MBD5: variants seen among roughly 807,000 people sequenced by gnomAD.
MBD5 encodes the protein methyl-CpG-binding domain protein 5.
Under a neutral mutation model 117.3 loss-of-function variants are expected in MBD5, and 13 were observed. The observed-to-expected ratio is 0.11, with a 90% CI of 0.07 to 0.18. The LOEUF (loss-of-function observed/expected upper bound fraction) is 0.18, where lower values mean the gene tolerates loss of function less well. MBD5 is among the 10% of genes least tolerant of loss of function. The pLI, the probability that MBD5 is intolerant of heterozygous loss-of-function variation, is 1.00. For synonymous variants in MBD5, 727 were observed against 766.4 expected, an observed-to-expected ratio of 0.95 and a Z score of 0.85; for missense variants, 1,879 against 2,093.8, an observed-to-expected ratio of 0.90 and a Z score of 2.00.
chr2:148,022,424 A>G (rs1018500777), intron 1 of MBD5, among the ~76,000 whole-genome samples: 1 of 152,134 alleles, frequency 6.6e-6, no homozygotes, highest in Non-Finnish European at 1.5e-5. Flanking sequence ...TGCCACTGCT[A>G]TTGTCTGTTC....
intron 8 of MBD5, among the ~76,000 whole-genome samples, chr2:148,482,275 G>A (rs1681180883): frequency 2.0e-5 from 3 of 152,018 alleles, no homozygotes; most frequent in South Asian, 4.1e-4. Flanking sequence ...TTGTCATAGC[G>A]TTGCTTACAA....
At chr2:148,508,185 AC>A (rs1682101503) in intron 12 of MBD5, among the ~76,000 whole-genome samples, 1 of 152,196 alleles carries the variant, frequency 6.6e-6, no homozygotes, top group African/African-American at 2.4e-5. Flanking sequence ...TGCTTGGCAG[AC>A]ACCTCATTAG....
rs879043829 is a variant in MBD5, at chr2:148,514,188, A to G, written c.*1247A>G. 1 of 152,182 alleles carries G rather than the reference A, an allele frequency of 6.6e-6. No individual in the cohort carries two copies. The highest frequency in any genetic ancestry group is 2.1e-4 in the South Asian group (1 of 4,816). 9.4% of individuals were successfully genotyped at this position (152,182 alleles called of 1,614,324 possible). A position where few individuals can be genotyped will look rare whatever the true frequency, so the allele number is the denominator to read the frequency against. On this transcript the variant is annotated 3_prime_UTR_variant, in exon 14 of 14. Transcript: ENST00000642680. Reference sequence around the variant, plus strand: ...TCTTATATATATTAATGTGGCAAAAATGTGCAGGTTAAATCTATTAACCAA... The same window carrying G: ...TCTTATATATATTAATGTGGCAAAAGTGTGCAGGTTAAATCTATTAACCAA...
intron 2 of MBD5, among the ~76,000 whole-genome samples, chr2:148,184,325 TG>T (rs1253073265): frequency 1.3e-5 from 2 of 152,160 alleles, no homozygotes; most frequent in South Asian, 4.1e-4. Flanking sequence ...TTTTTCTTTC[TG>T]AGTCTCCTGT....
Position 148,086,359 on chromosome 2 carries a change from C to T in MBD5, c.-925+64675C>T, listed in dbSNP as rs373696116. Among the ~76,000 whole-genome samples, 18 of 152,146 alleles carry T rather than the reference C, an allele frequency of 1.2e-4. No individual in the cohort carries two copies. In the East Asian group the frequency reaches 3.1e-3, roughly 26 times the overall value. On this transcript the variant is annotated intron_variant, in intron 1 of 13. Coordinates refer to ENST00000642680, the MANE Select transcript of MBD5 (RefSeq NM_001378120.1). The stretch of plus-strand genomic sequence containing the variant: ...ATCCTGAAGAGACAATACAGTCAAC[C>T]TCCAATTTGCATATCAGTTTTGTCA...
intron 1 of MBD5, among the ~76,000 whole-genome samples, chr2:148,144,825 G>A (rs1188878459): frequency 6.6e-6 from 1 of 152,150 alleles, no homozygotes; most frequent in Non-Finnish European, 1.5e-5. Flanking sequence ...TTTGGTACCA[G>A]TACCATGCTG....
chr2:148,493,088 G>A (rs1196229843), intron 11 of MBD5, among the ~76,000 whole-genome samples: 5 of 152,158 alleles, frequency 3.3e-5, no homozygotes, highest in African/African-American at 1.2e-4. Flanking sequence ...TTTTTAGAAA[G>A]TCTAAAGCAG....
At chr2:148,432,987 C>T (rs1285356161) in intron 4 of MBD5, among the ~76,000 whole-genome samples, 3 of 152,260 alleles carry the variant, frequency 2.0e-5, no homozygotes, top group African/African-American at 7.2e-5. Context: ...ACTGAGTCTT[C>T]CTGTCCATGA....
At chr2:148,341,449 A>G (rs1702945102) in intron 3 of MBD5, among the ~76,000 whole-genome samples, 1 of 152,040 alleles carries the variant, frequency 6.6e-6, no homozygotes, top group Non-Finnish European at 1.5e-5. Flanking sequence ...TGGTAATACT[A>G]ACACCTATAT....
intron 1 of MBD5, among the ~76,000 whole-genome samples, chr2:148,152,360 G>C (rs780567539): frequency 2.0e-5 from 3 of 152,086 alleles, no homozygotes; most frequent in Non-Finnish European, 2.9e-5. Flanking sequence ...TTACTTCCAA[G>C]TTTGTGGTCA....
chr2:148,468,895 T>C lies in MBD5; in HGVS notation c.952T>C (p.Ser318Pro), dbSNP rs745715010. Residue 318 changes from serine (S) to proline (P), a missense_variant, in exon 8 of 14, where the codon TCA becomes CCA. This residue lies in a region of MBD5 where 1,666 missense variants were observed against 1,792.2 expected (regional missense o/e 0.93). Transcript: ENST00000642680. The part of the protein sequence containing the change: ...PVMKKPMCNF[S>P]TNMEIPRAMF... The stretch of plus-strand genomic sequence containing the variant: ...AATGAAAAAACCAATGTGTAATTTT[T>C]CAACTAATATGGAAATACCACGAGC... The C allele has an allele frequency of 4.3e-6, 7 of 1,613,902 alleles. No homozygotes were observed. The Admixed American group carries it at 5.0e-5, about 12-fold the overall frequency.
intron 4 of MBD5, chr2:148,347,144 A>G (rs1703142343): frequency 6.6e-6 from 1 of 152,028 alleles, no homozygotes. Flanking sequence ...GAAATCACTG[A>G]CTTCCACTAC....
At chr2:148,231,266 T>G (rs1290420837) in intron 2 of MBD5, among the ~76,000 whole-genome samples, 1 of 152,148 alleles carries the variant, frequency 6.6e-6, no homozygotes, top group Non-Finnish European at 1.5e-5. Context: ...TAAACAGGCC[T>G]GGTTAAAATG....
At chr2:148,395,415 G>A (rs892353868) in intron 4 of MBD5, among the ~76,000 whole-genome samples, 28 of 144,746 alleles carry the variant, frequency 1.9e-4, no homozygotes, top group Non-Finnish European at 3.7e-4. Context: ...GAATCCATTG[G>A]CCCAACTCAT....
At chr2:148,109,490 C>T (rs1450456288) in intron 1 of MBD5, among the ~76,000 whole-genome samples, 2 of 151,992 alleles carry the variant, frequency 1.3e-5, no homozygotes, top group Non-Finnish European at 2.9e-5. Context: ...TAAAAGATGT[C>T]TTTGAAGGAT....
intron 1 of MBD5, among the ~76,000 whole-genome samples, chr2:148,093,554 T>G (rs1009098134): frequency 5.3e-5 from 8 of 152,346 alleles, no homozygotes; most frequent in African/African-American, 1.9e-4. Context: ...ATTATTATAC[T>G]GGGTATAGAA....
Position 148,301,501 on chromosome 2 carries a change from TAAA to T in MBD5, c.-679-40710_-679-40708del, listed in dbSNP as rs1440463313. On this transcript the variant is annotated intron_variant, in intron 3 of 13. Transcript: ENST00000642680. ...TTTTAGAGCAGGAGTGAAAGTTTATTAAAAAGCTTTAGAGCAGGAAGGAAGGGA... is the reference window on the plus strand; with the variant it reads ...TTTTAGAGCAGGAGTGAAAGTTTATTAAGCTTTAGAGCAGGAAGGAAGGGA... Among the ~76,000 whole-genome samples the T allele has an allele frequency of 2.6e-5, 4 of 152,284 alleles. No individual in the cohort carries two copies. In the East Asian group the frequency reaches 7.7e-4, roughly 29 times the overall value.
chr2:148,070,745 A>G (rs1695327864), intron 1 of MBD5: 1 of 152,212 alleles, frequency 6.6e-6, no homozygotes, highest in East Asian at 1.9e-4. Flanking sequence ...ATGCAGAAAT[A>G]ACATTAAACA....
At chr2:148,443,767 G>A (rs1029639784) in intron 4 of MBD5, among the ~76,000 whole-genome samples, 2 of 151,228 alleles carry the variant, frequency 1.3e-5, no homozygotes, top group African/African-American at 2.5e-5. Flanking sequence ...GGGGTTTTTG[G>A]GGAGAGGTGG....
Sources: allele counts gnomAD v4.1 joint callset (sites outside exome capture counted in the v4.1 genomes callset), GRCh38; gene constraint gnomAD v4.1.1; regional missense constraint gnomAD v4.1.1; transcripts MANE v1.5; gene names NCBI Gene and HGNC (gene_info 2026-07-23, HGNC 2026-07-21).